QKI: variants seen among roughly 807,000 people sequenced by gnomAD.
The protein encoded by QKI is KH domain-containing RNA-binding protein QKI.
Under a neutral mutation model 39.0 loss-of-function variants are expected in QKI, and 10 were observed. That is an observed-to-expected ratio of 0.26 (90% CI 0.16 to 0.43). QKI has a LOEUF of 0.43. QKI is among the 20% of genes least tolerant of loss of function. The pLI is 1.00. For missense variants in QKI, 218 were observed against 428.0 expected (o/e 0.51, Z 4.33); for synonymous variants, 204 against 155.4 (o/e 1.31, Z -2.33).
chr6:163,538,282 T>C (rs1469206151), intron 4 of QKI, among the ~76,000 whole-genome samples: 2 of 152,144 alleles, frequency 1.3e-5, no homozygotes, highest in Admixed American at 6.5e-5. Context: ...GGAAAACAAA[T>C]ATAGGCAATA....
intron 1 of QKI, among the ~76,000 whole-genome samples, chr6:163,422,043 A>AT: frequency 6.6e-6 from 1 of 151,932 alleles, no homozygotes; most frequent in East Asian, 1.9e-4. Context: ...AAGTGCTGGG[A>AT]TTACAGGCGT....
At position 163,454,935 on chromosome 6, in the gene QKI, C is replaced by A. The variant is rs1211449238; in HGVS notation, c.143-344C>A. Among the ~76,000 whole-genome samples the A allele has an allele frequency of 6.6e-5, 10 of 152,104 alleles. No homozygotes were observed. The South Asian group carries it at 8.3e-4, about 13-fold the overall frequency. On this transcript the variant is annotated intron_variant, in intron 1 of 7. Transcript: ENST00000361752. ...TGACAGGCATTCTTATAGTTGTTTACTGAAGCTATGATTTGGAATGACTGG... is the reference window on the plus strand; with the variant it reads ...TGACAGGCATTCTTATAGTTGTTTAATGAAGCTATGATTTGGAATGACTGG...
At chr6:163,433,219 T>C (rs1310437351) in intron 1 of QKI, among the ~76,000 whole-genome samples, 1 of 152,218 alleles carries the variant, frequency 6.6e-6, no homozygotes, top group African/African-American at 2.4e-5. Flanking sequence ...ACATGGTAAC[T>C]GCAGATAGGT....
At chr6:163,440,532 A>G (rs1381966688) in intron 1 of QKI, among the ~76,000 whole-genome samples, 1 of 152,212 alleles carries the variant, frequency 6.6e-6, no homozygotes, top group Non-Finnish European at 1.5e-5. Flanking sequence ...AGCCATATAG[A>G]CTGAATGACT....
chr6:163,546,555 G>A (rs894271048), intron 4 of QKI, among the ~76,000 whole-genome samples: 2 of 151,606 alleles, frequency 1.3e-5, no homozygotes, highest in African/African-American at 4.8e-5. Context: ...GAAATCACAT[G>A]TCCCTTACTA....
chr6:163,539,297 G>A (rs1781377203), intron 4 of QKI, among the ~76,000 whole-genome samples: 1 of 152,130 alleles, frequency 6.6e-6, no homozygotes, highest in Admixed American at 6.6e-5. Flanking sequence ...GGTCATTGGT[G>A]ACCTTGCCAG....
intron 2 of QKI, among the ~76,000 whole-genome samples, chr6:163,472,415 G>A (rs1412106825): frequency 1.3e-5 from 2 of 151,998 alleles, no homozygotes; most frequent in Non-Finnish European, 2.9e-5. Context: ...TGATGGAGGT[G>A]GGAGGGGTGT....
intron 1 of QKI, among the ~76,000 whole-genome samples, chr6:163,454,925 T>G (rs908614509): frequency 2.0e-5 from 3 of 152,220 alleles, no homozygotes; most frequent in Admixed American, 6.5e-5. Flanking sequence ...GGCATTCTTA[T>G]AGTTGTTTAC....
intron 1 of QKI, among the ~76,000 whole-genome samples, chr6:163,428,396 A>C (rs564748745): frequency 4.6e-5 from 7 of 152,198 alleles, no homozygotes; most frequent in Non-Finnish European, 2.9e-5. Context: ...TTTTCTTTGT[A>C]ATTATAAAGT....
chr6:163,433,828 A>G (rs1582977850), intron 1 of QKI, among the ~76,000 whole-genome samples: 1 of 152,194 alleles, frequency 6.6e-6, no homozygotes, highest in East Asian at 1.9e-4. Flanking sequence ...TGCTACCTAT[A>G]AGGTTAAATA....
intron 4 of QKI, among the ~76,000 whole-genome samples, chr6:163,554,302 T>G (rs1418812292): frequency 6.6e-6 from 1 of 152,130 alleles, no homozygotes; most frequent in African/African-American, 2.4e-5. Context: ...CTCATCCAGC[T>G]CTTCAGGGTC....
At chr6:163,456,165 A>G (rs993872745) in intron 2 of QKI, among the ~76,000 whole-genome samples, 3 of 152,156 alleles carry the variant, frequency 2.0e-5, no homozygotes, top group African/African-American at 7.2e-5. Context: ...TTAAGAATTT[A>G]GCTCAAATGT....
intron 1 of QKI, among the ~76,000 whole-genome samples, chr6:163,424,189 A>G (rs1211782867): frequency 2.0e-5 from 3 of 152,124 alleles, no homozygotes; most frequent in Non-Finnish European, 2.9e-5. Context: ...AGGTGAATAC[A>G]TTTTTTTAAG....
chr6:163,533,174 T>C (rs1780974454), intron 3 of QKI, among the ~76,000 whole-genome samples: 2 of 152,006 alleles, frequency 1.3e-5, no homozygotes, highest in African/African-American at 4.8e-5. Context: ...CAAATTTTGG[T>C]GAGAAAATAC....
intron 1 of QKI, 76 bp from the exon 2 acceptor site, chr6:163,455,202 CT>C: frequency 8.2e-7 from 1 of 1,217,858 alleles, no homozygotes; most frequent in Non-Finnish European, 1.1e-6. Context: ...AAACCCTCCC[CT>C]GCCCTCTCTT....
At chr6:163,564,831 A>C in intron 6 of QKI, 1 of 1,570,954 alleles carries the variant, frequency 6.4e-7, no homozygotes, top group South Asian at 1.2e-5. Context: ...TTTTTTCCTG[A>C]ATTGTATATG....
At chr6:163,520,918 G>A (rs1364882160) in intron 3 of QKI, among the ~76,000 whole-genome samples, 2 of 152,138 alleles carry the variant, frequency 1.3e-5, no homozygotes, top group African/African-American at 4.8e-5. Context: ...TGGAAGAAAA[G>A]TCTAGGATTA....
chr6:163,550,668 T>C (rs6455904), intron 4 of QKI, among the ~76,000 whole-genome samples: 127,704 of 152,118 alleles, frequency 0.84, 54,193 homozygotes, highest in East Asian at 1. Flanking sequence ...TGCTTATGGC[T>C]GGGCGTGGTG....
chr6:163,477,203 A>G (rs1226938114), intron 2 of QKI, among the ~76,000 whole-genome samples: 1 of 151,864 alleles, frequency 6.6e-6, no homozygotes, highest in African/African-American at 2.4e-5. Context: ...TTTAGTAGAG[A>G]TGGGGTTTCA....
Sources: gnomAD v4.1 joint callset for allele counts (sites outside exome capture counted in the v4.1 genomes callset) on GRCh38, gnomAD v4.1.1 for gene constraint, MANE v1.5 for transcripts, NCBI Gene and HGNC (gene_info 2026-07-23, HGNC 2026-07-21) for gene names.